Variants in SLCO2B1 observed in about 807,000 individuals in gnomAD.
SLCO2B1 encodes solute carrier organic anion transporter family member 2B1, also known as OATP-RP2.
Under a neutral mutation model 67.3 loss-of-function variants are expected in SLCO2B1, and 41 were observed. The ratio of observed to expected loss-of-function variants is 0.61; its 90% CI spans 0.47 to 0.79. SLCO2B1 has a LOEUF of 0.79. SLCO2B1 is among the 30% of genes least tolerant of loss of function. The pLI is 0.00. For missense variants in SLCO2B1, 837 were observed against 920.1 expected (o/e 0.91, Z 1.17); for synonymous variants, 379 against 381.4 (o/e 0.99, Z 0.07).
intron 1 of SLCO2B1, among the ~76,000 whole-genome samples, chr11:75,158,514 C>T (rs1414095272): frequency 6.6e-6 from 1 of 151,962 alleles, no homozygotes; most frequent in Non-Finnish European, 1.5e-5. Context: ...GGTACAAAGA[C>T]AGCAACTCTC....
chr11:75,191,371 G>A (rs1945020899), intron 8 of SLCO2B1, among the ~76,000 whole-genome samples: 1 of 152,190 alleles, frequency 6.6e-6, no homozygotes, highest in South Asian at 2.1e-4. Flanking sequence ...CAAGAAGGCT[G>A]AGCAGCTACC....
At chr11:75,171,253 G>A (rs1380406626) in intron 6 of SLCO2B1, among the ~76,000 whole-genome samples, 1 of 152,138 alleles carries the variant, frequency 6.6e-6, no homozygotes, top group African/African-American at 2.4e-5. Context: ...GGTACATCAA[G>A]GAGCATTTGG....
intron 6 of SLCO2B1, 29 bp downstream of exon 6, chr11:75,169,793 AC>A: frequency 6.4e-7 from 1 of 1,554,708 alleles, no homozygotes; most frequent in Non-Finnish European, 8.9e-7. Flanking sequence ...TGTTTGCTAG[AC>A]CCTAGCTAAC....
intron 10 of SLCO2B1, chr11:75,199,812 T>G (rs1945154801): frequency 6.0e-6 from 1 of 167,650 alleles, no homozygotes; most frequent in Non-Finnish European, 1.3e-5. Context: ...AGTCCTTGGC[T>G]GGAGGTTTTC....
intron 4 of SLCO2B1, 52 bp from the exon 5 acceptor site, chr11:75,169,121 G>T (rs1949927933): frequency 1.4e-6 from 2 of 1,434,306 alleles, no homozygotes; most frequent in Non-Finnish European, 1.9e-6. Context: ...CGGGGTAAGC[G>T]CTATTTAAGT....
intron 4 of SLCO2B1, among the ~76,000 whole-genome samples, chr11:75,168,068 A>G (rs1163930023): frequency 6.6e-6 from 1 of 151,296 alleles, no homozygotes; most frequent in Non-Finnish European, 1.5e-5. Context: ...TAATTTTTGT[A>G]TTTTAGTAGC....
chr11:75,166,706 T>C (rs1221995084), intron 4 of SLCO2B1, among the ~76,000 whole-genome samples: 1 of 152,206 alleles, frequency 6.6e-6, no homozygotes, highest in Non-Finnish European at 1.5e-5. Context: ...TGCTGCCTAC[T>C]TCGTGCCTGA....
chr11:75,174,274 G>A (rs1949998613), intron 7 of SLCO2B1, among the ~76,000 whole-genome samples: 2 of 151,110 alleles, frequency 1.3e-5, no homozygotes, highest in Admixed American at 6.7e-5. Context: ...TTGTTGCTAA[G>A]TAATTCTAAT....
rs539004048 is a variant in SLCO2B1 at position 75,175,920 on chromosome 11, T to C, written c.972+3351T>C. ...CCACAGAGAAGAGCAGGACATGGGA[T>C]TGGGGGAGGCCATGCAGGGAATGGG... On this transcript the variant is annotated intron_variant, in intron 7 of 13. Transcript: ENST00000289575. Among the ~76,000 whole-genome samples the C allele has an allele frequency of 3.9e-5, 6 of 151,976 alleles. No individual in the cohort carries two copies. In the South Asian group the frequency reaches 6.2e-4, roughly 16 times the overall value.
At chr11:75,202,721 T>A in intron 11 of SLCO2B1, 180 bp from the exon 12 acceptor site, 1 of 629,414 alleles carries the variant, frequency 1.6e-6, no homozygotes, top group Non-Finnish European at 2.9e-6. Flanking sequence ...GACCAGGCTC[T>A]GCAGGTTGAA....
chr11:75,158,699 C>T (rs1317623383), intron 1 of SLCO2B1, among the ~76,000 whole-genome samples: 1 of 152,170 alleles, frequency 6.6e-6, no homozygotes, highest in East Asian at 1.9e-4. Flanking sequence ...ATTCACCTTA[C>T]AAATGGGGAA....
intron 1 of SLCO2B1, among the ~76,000 whole-genome samples, chr11:75,155,878 G>C (rs183392072): frequency 6.6e-6 from 1 of 152,300 alleles, no homozygotes; most frequent in Admixed American, 6.5e-5. Flanking sequence ...TTGGGGAATG[G>C]CAAGAATCTA....
At chr11:75,187,387 A>G (rs1250912826) in intron 7 of SLCO2B1, among the ~76,000 whole-genome samples, 1 of 152,210 alleles carries the variant, frequency 6.6e-6, no homozygotes, top group Non-Finnish European at 1.5e-5. Context: ...GAATCTTCAC[A>G]GCTTGGACCC....
intron 7 of SLCO2B1, among the ~76,000 whole-genome samples, chr11:75,186,097 G>A (rs1944925625): frequency 6.6e-6 from 1 of 152,100 alleles, no homozygotes; most frequent in Admixed American, 6.5e-5. Context: ...TCAAGATGGA[G>A]TTGTTCTGAT....
chr11:75,199,389 A>G (rs1591837853), intron 10 of SLCO2B1, among the ~76,000 whole-genome samples: 2 of 151,116 alleles, frequency 1.3e-5, no homozygotes, highest in Admixed American at 1.3e-4. Flanking sequence ...CCCCAAGCCC[A>G]CTCTATGATG....
intron 7 of SLCO2B1, among the ~76,000 whole-genome samples, chr11:75,186,239 C>T (rs545648104): frequency 1.7e-4 from 25 of 150,996 alleles, no homozygotes; most frequent in African/African-American, 5.6e-4. Context: ...GAGGGAGTCT[C>T]GCTCTGTTGC....
chr11:75,169,468 G>A, intron 5 of SLCO2B1, 62 bp downstream of exon 5: 1 of 1,444,796 alleles, frequency 6.9e-7, no homozygotes, highest in Non-Finnish European at 9.4e-7. Flanking sequence ...AGGAGGAAGA[G>A]AGACCCAGGG....
chr11:75,185,085 G>A (rs1000887836), intron 7 of SLCO2B1, among the ~76,000 whole-genome samples: 3 of 152,184 alleles, frequency 2.0e-5, no homozygotes, highest in Admixed American at 2.0e-4. Context: ...TGAATGAATC[G>A]TCCTGCTGGG....
intron 7 of SLCO2B1, among the ~76,000 whole-genome samples, chr11:75,181,033 C>T (rs1045328826): frequency 6.6e-6 from 1 of 151,912 alleles, no homozygotes; most frequent in Non-Finnish European, 1.5e-5. Context: ...TTCTGGTAGC[C>T]CAAAGGGAAA....
Sources: gnomAD v4.1 joint callset for allele counts (sites outside exome capture counted in the v4.1 genomes callset) on GRCh38, gnomAD v4.1.1 for gene constraint, MANE v1.5 for transcripts, NCBI Gene and HGNC (gene_info 2026-07-23, HGNC 2026-07-21) for gene names.